ADCY2: variants seen among roughly 807,000 people sequenced by gnomAD.
The protein encoded by ADCY2 is adenylate cyclase 2.
ADCY2 carries 31 observed loss-of-function variants against 125.2 expected under a neutral mutation model. The ratio of observed to expected loss-of-function variants is 0.25; its 90% CI spans 0.19 to 0.33. ADCY2 has a LOEUF of 0.33. Ranked by LOEUF, ADCY2 falls within the 10% of genes least tolerant of loss-of-function variation. The probability of loss-of-function intolerance (pLI) is 1.00; values close to 1 mark genes in which losing one functional copy is unlikely to be tolerated. For synonymous variants in ADCY2, 512 were observed against 548.4 expected (o/e 0.93, Z 0.93); for missense variants, 904 against 1,418.2 (o/e 0.64, Z 5.82).
intron 2 of ADCY2, among the ~76,000 whole-genome samples, chr5:7,428,268 G>T (rs1740461847): frequency 6.6e-6 from 1 of 152,194 alleles, no homozygotes; most frequent in Non-Finnish European, 1.5e-5. Context: ...GAAACACAGG[G>T]AATGCTGCCT....
At chr5:7,799,169 T>C (rs1045077659) in intron 20 of ADCY2, 3 of 152,238 alleles carry the variant, frequency 2.0e-5, no homozygotes, top group East Asian at 1.9e-4. Context: ...TATGCTGACA[T>C]GGGTCACCCA....
chr5:7,663,373 C>G (rs945427516), intron 4 of ADCY2, among the ~76,000 whole-genome samples: 2 of 152,258 alleles, frequency 1.3e-5, no homozygotes, highest in Non-Finnish European at 2.9e-5. Flanking sequence ...GAGAGTCACC[C>G]CATGTCTCTG....
chr5:7,585,427 A>G (rs1736597253), intron 3 of ADCY2, among the ~76,000 whole-genome samples: 1 of 152,084 alleles, frequency 6.6e-6, no homozygotes, highest in African/African-American at 2.4e-5. Context: ...GACACATACT[A>G]TTTTCAATCC....
intron 17 of ADCY2, among the ~76,000 whole-genome samples, chr5:7,770,991 C>T (rs1015985348): frequency 2.8e-4 from 43 of 152,212 alleles, no homozygotes; most frequent in African/African-American, 1.0e-3. Context: ...CAAGCTCACT[C>T]TGCCAAGTTT....
At chr5:7,401,738 C>T (rs183350086) in intron 1 of ADCY2, among the ~76,000 whole-genome samples, 2 of 152,218 alleles carry the variant, frequency 1.3e-5, no homozygotes, top group Admixed American at 1.3e-4. Context: ...CCTATTAAGC[C>T]GTGATTCTTA....
At chr5:7,638,893 T>A (rs1738597277) in intron 4 of ADCY2, among the ~76,000 whole-genome samples, 1 of 152,220 alleles carries the variant, frequency 6.6e-6, no homozygotes, top group Non-Finnish European at 1.5e-5. Context: ...GGGAGATCAC[T>A]GAATCATGGG....
intron 15 of ADCY2, among the ~76,000 whole-genome samples, chr5:7,745,959 C>G (rs1742606476): frequency 6.6e-6 from 1 of 152,150 alleles, no homozygotes; most frequent in Non-Finnish European, 1.5e-5. Context: ...AAGCATTGTT[C>G]CTCTCTGGTG....
chr5:7,796,302 G>C (rs1383846190), intron 20 of ADCY2: 8 of 152,170 alleles, frequency 5.3e-5, no homozygotes. Flanking sequence ...CACAACCTGT[G>C]GTTGCTGATG....
At chr5:7,766,612 A>G in intron 16 of ADCY2, 75 bp from the exon 17 acceptor site, 1 of 1,506,852 alleles carries the variant, frequency 6.6e-7, no homozygotes. Context: ...CACAGAATTC[A>G]TAAAGTTAGC....
At chr5:7,752,902 T>C (rs1212134069) in intron 15 of ADCY2, among the ~76,000 whole-genome samples, 1 of 149,466 alleles carries the variant, frequency 6.7e-6, no homozygotes, top group Non-Finnish European at 1.5e-5. Flanking sequence ...TCCTTTTTTT[T>C]TTTTTTTTTT....
chr5:7,820,394 T>C (rs183508759), intron 23 of ADCY2, among the ~76,000 whole-genome samples, 171 bp from the exon 24 acceptor site: 1 of 152,182 alleles, frequency 6.6e-6, no homozygotes, highest in Non-Finnish European at 1.5e-5. Context: ...CTTGGGAGGC[T>C]GAGGTGGCAG....
intron 3 of ADCY2, among the ~76,000 whole-genome samples, chr5:7,534,805 G>A (rs984179518): frequency 6.6e-6 from 1 of 152,206 alleles, no homozygotes; most frequent in Non-Finnish European, 1.5e-5. Flanking sequence ...AGTGGCCAGT[G>A]GTAAATCACT....
intron 20 of ADCY2, chr5:7,801,944 T>C: frequency 2.8e-6 from 1 of 353,620 alleles, no homozygotes; most frequent in Non-Finnish European, 5.1e-6. Flanking sequence ...AACTCCGTGG[T>C]CTGTTGTCAT....
In ADCY2 at chr5:7,827,952, A is replaced by C. The variant is rs1745542207; in HGVS notation, c.*1081A>C. On this transcript the variant is annotated 3_prime_UTR_variant, in exon 25 of 25. Transcript: ENST00000338316. The stretch of plus-strand genomic sequence containing the variant: ...CAGCTATGCAAATCAGTCTCACAAT[A>C]GCGTGAGCTAACTGAGAGAAGTACT... 1 of 152,780 alleles carries C rather than the reference A, an allele frequency of 6.5e-6. No homozygotes were observed. The highest frequency in any genetic ancestry group is 6.5e-5 in the Admixed American group (1 of 15,294). 9.5% of individuals were successfully genotyped at this position (152,780 alleles called of 1,614,324 possible).
rs181775012 is a variant in ADCY2, at chr5:7,574,660, C to A, written c.571-51507C>A. 1.8e-4 allele frequency among the ~76,000 whole-genome samples: 28 copies of A among 152,304 alleles called. 1 individual carries two copies. The East Asian group carries it at 5.4e-3, about 30-fold the overall frequency. Reference sequence around the variant, plus strand: ...TTGATGAGACCCATACAAGTGGATTCTCTCATATACTACCCCTGACCTTTA... The same window carrying A: ...TTGATGAGACCCATACAAGTGGATTATCTCATATACTACCCCTGACCTTTA... On this transcript the variant is annotated intron_variant, in intron 3 of 24. Transcript: ENST00000338316.
rs145608196 is a variant in ADCY2, at chr5:7,422,042, T to C, written c.408+7272T>C. On this transcript the variant is annotated intron_variant, in intron 2 of 24. Coordinates refer to ENST00000338316, the MANE Select transcript of ADCY2 (RefSeq NM_020546.3). ...TGTTGATTTATCTCTGCCCTTCCTG[T>C]CATGGAAGTGTTTCTTGTTGGTTCT... Among the ~76,000 whole-genome samples, 677 of 152,324 alleles carry C rather than the reference T, an allele frequency of 4.4e-3. 7 individuals are homozygous for C. Among genetic ancestry groups the C allele is most frequent in the African/African-American group, 0.016 (659 of 41,574 alleles).
intron 3 of ADCY2, among the ~76,000 whole-genome samples, chr5:7,580,836 T>C (rs75859634): frequency 0.081 from 12,355 of 152,234 alleles, 717 homozygotes; most frequent in Non-Finnish European, 0.12. Context: ...CAGAGAAAAC[T>C]GACAGATCGA....
At chr5:7,478,099 A>G (rs907592341) in intron 2 of ADCY2, among the ~76,000 whole-genome samples, 1 of 152,168 alleles carries the variant, frequency 6.6e-6, no homozygotes, top group Admixed American at 6.5e-5. Context: ...AACTTTGTAC[A>G]TTTACTTTAT....
intron 3 of ADCY2, among the ~76,000 whole-genome samples, chr5:7,552,287 T>C (rs547861583): frequency 1.3e-5 from 2 of 152,328 alleles, no homozygotes; most frequent in Admixed American, 6.5e-5. Context: ...TTTAATTACA[T>C]TGTTTTTTAA....
Sources: allele counts gnomAD v4.1 joint callset (sites outside exome capture counted in the v4.1 genomes callset), GRCh38; gene constraint gnomAD v4.1.1; transcripts MANE v1.5; gene names NCBI Gene and HGNC (gene_info 2026-07-23, HGNC 2026-07-21).